Variants in ALDH1L1 observed in about 807,000 individuals in gnomAD.
ALDH1L1 encodes the protein aldehyde dehydrogenase 1 family member L1.
A neutral mutation model predicts 101.1 loss-of-function variants in ALDH1L1; 68 were observed. That is an observed-to-expected ratio of 0.67 (90% confidence interval 0.55 to 0.82). The LOEUF (loss-of-function observed/expected upper bound fraction) is 0.82, where lower values mean the gene tolerates loss of function less well. Among genes scored for constraint, ALDH1L1 ranks in the 40% least tolerant of loss-of-function variants. The pLI, the probability that ALDH1L1 is intolerant of heterozygous loss-of-function variation, is 0.00. For synonymous variants in ALDH1L1, 486 were observed against 470.8 expected, an observed-to-expected ratio of 1.03 and a Z score of -0.42; for missense variants, 1,087 against 1,172.7, an observed-to-expected ratio of 0.93 and a Z score of 1.07.
At chr3:126,171,312 A>G (rs541808049) in intron 1 of ALDH1L1, among the ~76,000 whole-genome samples, 2 of 152,058 alleles carry the variant, frequency 1.3e-5, no homozygotes, top group Non-Finnish European at 2.9e-5. Flanking sequence ...ATAAGTAAAA[A>G]CAGACTCAGG....
chr3:126,110,379 G>A, intron 19 of ALDH1L1: 1 of 502,802 alleles, frequency 2.0e-6, no homozygotes, highest in South Asian at 2.7e-5. Context: ...GGGTGAGGAG[G>A]ACAGAGGCCG....
At chr3:126,188,015 C>T (rs558808387) in intron 1 of ALDH1L1, among the ~76,000 whole-genome samples, 4 of 152,198 alleles carry the variant, frequency 2.6e-5, no homozygotes, top group African/African-American at 9.7e-5. Flanking sequence ...GGCTGCTACA[C>T]GGTCAGGCTG....
chr3:126,186,000 A>G (rs1293327486), upstream of ALDH1L1, among the ~76,000 whole-genome samples: 1 of 152,122 alleles, frequency 6.6e-6, no homozygotes, highest in African/African-American at 2.4e-5. Flanking sequence ...ATAGAGACAG[A>G]AAGTGGAATG....
At chr3:126,145,078 T>C (rs2080647378) in intron 9 of ALDH1L1, among the ~76,000 whole-genome samples, 1 of 152,154 alleles carries the variant, frequency 6.6e-6, no homozygotes, top group Non-Finnish European at 1.5e-5. Context: ...TATGAAAAGA[T>C]GCTCAACATC....
chr3:126,136,632 T>A (rs1393916611), intron 11 of ALDH1L1, 132 bp downstream of exon 11: 1 of 1,403,938 alleles, frequency 7.1e-7, no homozygotes, highest in Non-Finnish European at 9.5e-7. Context: ...TGGCATTCTT[T>A]CCCGTCCCTC....
upstream of ALDH1L1, chr3:126,181,303 T>G: frequency 2.3e-6 from 1 of 432,330 alleles, no homozygotes; most frequent in Non-Finnish European, 4.3e-6. Flanking sequence ...TCCAGGTGGC[T>G]CCTTCTCCTG....
chr3:126,178,279 G>GCTGAGGCATGAGAATCACTGGAGC lies in ALDH1L1; in HGVS notation c.-24+2196_-24+2197insGCTCCAGTGATTCTCATGCCTCAG, dbSNP rs1274995912. Among the ~76,000 whole-genome samples the GCTGAGGCATGAGAATCACTGGAGC allele has an allele frequency of 2.2e-4, 33 of 151,350 alleles. 1 individual carries two copies. Among genetic ancestry groups the GCTGAGGCATGAGAATCACTGGAGC allele is most frequent in the Non-Finnish European group, 5.9e-5 (4 of 67,916 alleles). On this transcript the variant is annotated intron_variant, in intron 1 of 22. Coordinates refer to ENST00000393434, the MANE Select transcript of ALDH1L1 (RefSeq NM_012190.4). Reference sequence around the variant, plus strand: ...GCCTGTAGTCCCAGCTACTTGGGAGGCTGAGGCATGAGAATCACTTGAGCC... The same window carrying GCTGAGGCATGAGAATCACTGGAGC: ...GCCTGTAGTCCCAGCTACTTGGGAGGCTGAGGCATGAGAATCACTGGAGCCTGAGGCATGAGAATCACTTGAGCC...
Position 126,155,405 on chromosome 3 carries a change from G to C in ALDH1L1, c.627C>G (p.Ala209=). The C allele has an allele frequency of 6.2e-7, 1 of 1,612,602 alleles. No individual in the cohort carries two copies. Among genetic ancestry groups the C allele is most frequent in the Middle Eastern group, 1.7e-4 (1 of 6,058 alleles). ...TGTGGAGGGACCCAGCACTCACCTTGGCTGTCTCCTTCTTCTGAATCCCCT... is the reference window on the plus strand; with the variant it reads ...TGTGGAGGGACCCAGCACTCACCTTCGCTGTCTCCTTCTTCTGAATCCCCT... ...TYEGIQKKET[A]KINWDQPAEA... is the part of the protein sequence containing the mutation. Residue 209 remains alanine (A), a synonymous_variant, in exon 5 of 23, where the codon GCC becomes GCG. Coordinates refer to ENST00000393434, the MANE Select transcript of ALDH1L1 (RefSeq NM_012190.4).
chr3:126,155,205 C>T (rs891432894), intron 5 of ALDH1L1, among the ~76,000 whole-genome samples, 197 bp downstream of exon 5: 2 of 152,198 alleles, frequency 1.3e-5, no homozygotes, highest in African/African-American at 4.8e-5. Context: ...GGACCCTGTT[C>T]GCTACCCTCC....
Position 126,148,026 on chromosome 3 carries a change from G to A in ALDH1L1, c.985-1100C>T, listed in dbSNP as rs538310210. ...TCACCTCTTCCCCAAAACCTTTGCT[G>A]GCTACTCTACTGGCAGGATCTACCT... On this transcript the variant is annotated intron_variant, in intron 8 of 22. Coordinates refer to ENST00000393434, the MANE Select transcript of ALDH1L1 (RefSeq NM_012190.4). Among the ~76,000 whole-genome samples, 9 of 152,254 alleles carry A rather than the reference G, an allele frequency of 5.9e-5. No homozygotes were observed. The East Asian group carries it at 1.7e-3, about 29-fold the overall frequency.
intron 10 of ALDH1L1, 24 bp from the exon 11 acceptor site, chr3:126,136,907 A>G: frequency 1.2e-6 from 2 of 1,613,270 alleles, no homozygotes; most frequent in Non-Finnish European, 1.7e-6. Context: ...CCCAGTGACA[A>G]GCACAAACCC....
At chr3:126,105,582 C>A in intron 22 of ALDH1L1, 144 bp downstream of exon 22, 1 of 942,780 alleles carries the variant, frequency 1.1e-6, no homozygotes, top group East Asian at 2.5e-5. Context: ...CACAAGTTCC[C>A]TCCCAGTAAG....
At chr3:126,112,183 T>C (rs373582413) in intron 19 of ALDH1L1, among the ~76,000 whole-genome samples, 6 of 152,270 alleles carry the variant, frequency 3.9e-5, no homozygotes, top group Admixed American at 3.3e-4. Flanking sequence ...GCTGAGTGGA[T>C]AAATCTGGTG....
rs1410767865 is a variant in ALDH1L1, at chr3:126,124,242, C to T, written c.1888+122G>A. On this transcript the variant is annotated intron_variant, in intron 16 of 22. Transcript: ENST00000393434. The stretch of plus-strand genomic sequence containing the variant: ...AGGGGCCTCCTTTGTCACAGGCTGG[C>T]CCCCGCCTGGGCTCTCCCCAGGCTA... The T allele has an allele frequency of 3.5e-6, 3 of 851,302 alleles. No homozygotes were observed. The African/African-American group carries it at 5.3e-5, about 15-fold the overall frequency. 52.7% of individuals were successfully genotyped at this position (851,302 alleles called of 1,614,324 possible).
intron 1 of ALDH1L1, among the ~76,000 whole-genome samples, chr3:126,189,836 T>C (rs938554862): frequency 1.3e-5 from 2 of 152,130 alleles, no homozygotes; most frequent in East Asian, 1.9e-4. Flanking sequence ...CCACTGGGAG[T>C]GAATCTGATT....
intron 1 of ALDH1L1, among the ~76,000 whole-genome samples, chr3:126,190,182 A>G (rs1385535570): frequency 6.6e-6 from 1 of 152,198 alleles, no homozygotes; most frequent in African/African-American, 2.4e-5. Context: ...TTACAATAAC[A>G]TGCTGATATC....
chr3:126,144,933 T>C (rs895936352), intron 9 of ALDH1L1, among the ~76,000 whole-genome samples: 4 of 152,178 alleles, frequency 2.6e-5, no homozygotes, highest in African/African-American at 9.7e-5. Context: ...ATGTATCTGA[T>C]AAGAGGTTAA....
Position 126,103,859 on chromosome 3 carries a change from A to G in ALDH1L1, c.2654-13T>C. 1 of 1,612,488 alleles carries G rather than the reference A, an allele frequency of 6.2e-7. No homozygotes were observed. Among genetic ancestry groups the G allele is most frequent in the Non-Finnish European group, 8.5e-7 (1 of 1,179,322 alleles). ...AGAGCCGCCTCTCCTGTAAGACACC[A>G]CAAAGGTCACAGCAGCTCCCACCAC... On this transcript the variant is annotated splice_polypyrimidine_tract_variant and intron_variant, in intron 22 of 22. Coordinates refer to ENST00000393434, the MANE Select transcript of ALDH1L1 (RefSeq NM_012190.4).
chr3:126,116,411 CTACATATTGATG>C (rs2108199449), intron 17 of ALDH1L1, among the ~76,000 whole-genome samples: 1 of 152,052 alleles, frequency 6.6e-6, no homozygotes, highest in South Asian at 2.1e-4. Flanking sequence ...ATAGCATGAA[CTACATATTGATG>C]GTAAAATGGT....
Sources: gnomAD v4.1 joint callset for allele counts (sites outside exome capture counted in the v4.1 genomes callset) on GRCh38, gnomAD v4.1.1 for gene constraint, MANE v1.5 for transcripts, NCBI Gene and HGNC (gene_info 2026-07-23, HGNC 2026-07-21) for gene names.